Variants in PPP2R2A observed in about 807,000 individuals in gnomAD.
The protein encoded by PPP2R2A is serine/threonine-protein phosphatase 2A 55 kDa regulatory subunit B alpha isoform.
Under a neutral mutation model 53.2 loss-of-function variants are expected in PPP2R2A, and 9 were observed. That is an observed-to-expected ratio of 0.17 (90% CI 0.10 to 0.30). PPP2R2A has a LOEUF of 0.30. PPP2R2A is among the 10% of genes least tolerant of loss of function. The probability of loss-of-function intolerance (pLI) is 1.00; values close to 1 mark genes in which losing one functional copy is unlikely to be tolerated. For synonymous variants in PPP2R2A, 169 were observed against 174.2 expected (o/e 0.97, Z 0.23); for missense variants, 235 against 534.6 (o/e 0.44, Z 5.53).
At chr8:26,361,843 C>A (rs1455878583) in intron 6 of PPP2R2A, among the ~76,000 whole-genome samples, 1 of 151,714 alleles carries the variant, frequency 6.6e-6, no homozygotes, top group Non-Finnish European at 1.5e-5. Context: ...TGCCTGTAAT[C>A]TAAGCTACAT....
intron 2 of PPP2R2A, among the ~76,000 whole-genome samples, chr8:26,330,439 C>A (rs967857965): frequency 6.6e-5 from 10 of 151,772 alleles, no homozygotes; most frequent in Non-Finnish European, 1.5e-4. Context: ...GCAATCCTCC[C>A]ACCTCGGCCT....
chr8:26,346,672 A>G (rs1804234266), intron 3 of PPP2R2A, among the ~76,000 whole-genome samples: 2 of 152,316 alleles, frequency 1.3e-5, no homozygotes, highest in South Asian at 2.1e-4. Context: ...ATCTCTCTAT[A>G]GCCTTTCAGA....
chr8:26,302,642 C>T (rs1325025575), intron 2 of PPP2R2A, among the ~76,000 whole-genome samples: 1 of 152,186 alleles, frequency 6.6e-6, no homozygotes, highest in Non-Finnish European at 1.5e-5. Context: ...TAAAATATTC[C>T]TCCCTTTCTA....
At chr8:26,293,827 T>A in intron 2 of PPP2R2A, 87 bp downstream of exon 2, 1 of 1,194,386 alleles carries the variant, frequency 8.4e-7, no homozygotes, top group East Asian at 2.4e-5. Flanking sequence ...CCGAGACTGC[T>A]ATAAATTCAA....
In PPP2R2A at chr8:26,371,752, T is replaced by TC. The variant is rs1467067059; in HGVS notation, c.*1341dup. 1 of 152,220 alleles carries TC rather than the reference T, an allele frequency of 6.6e-6. No homozygotes were observed. The highest frequency in any genetic ancestry group is 1.5e-5 in the Non-Finnish European group (1 of 68,030). 9.4% of individuals were successfully genotyped at this position (152,220 alleles called of 1,614,324 possible). On this transcript the variant is annotated 3_prime_UTR_variant, in exon 10 of 10. Transcript: ENST00000380737. Reference sequence around the variant, plus strand: ...AGCGTTCAAAAAGTGCTTAATGAACTCCAACAGCTGCCTCAAATAAAAATC... The same window carrying TC: ...AGCGTTCAAAAAGTGCTTAATGAACTCCCAACAGCTGCCTCAAATAAAAATC...
At chr8:26,303,777 A>G (rs1170314558) in intron 2 of PPP2R2A, among the ~76,000 whole-genome samples, 1 of 152,222 alleles carries the variant, frequency 6.6e-6, no homozygotes, top group Non-Finnish European at 1.5e-5. Context: ...TAATTTTTAA[A>G]AATGAATATG....
chr8:26,365,724 C>A (rs999274878), intron 8 of PPP2R2A: 2 of 152,078 alleles, frequency 1.3e-5, no homozygotes, highest in African/African-American at 4.8e-5. Context: ...ATTCAAAAAA[C>A]AGGCACAGCT....
At chr8:26,308,467 A>G (rs1461268082) in intron 2 of PPP2R2A, among the ~76,000 whole-genome samples, 1 of 152,150 alleles carries the variant, frequency 6.6e-6, no homozygotes, top group East Asian at 1.9e-4. Context: ...TGTTTGTTTC[A>G]TTTCAACAAT....
At position 26,354,339 on chromosome 8, in the gene PPP2R2A, A is replaced by G; in HGVS notation, c.181-129A>G. The G allele has an allele frequency of 1.5e-6, 1 of 652,350 alleles. No homozygotes were observed. Among genetic ancestry groups the G allele is most frequent in the Non-Finnish European group, 2.3e-6 (1 of 441,814 alleles). 40.4% of individuals were successfully genotyped at this position (652,350 alleles called of 1,614,324 possible). ...AGGCCTTTAGAAATATAAAAAACAGAATGTAATTGTATAAAGACACAACTA... is the reference window on the plus strand; with the variant it reads ...AGGCCTTTAGAAATATAAAAAACAGGATGTAATTGTATAAAGACACAACTA... On this transcript the variant is annotated intron_variant, in intron 3 of 9. Transcript: ENST00000380737. The surrounding 1 kb of genome is among the most constrained non-coding windows in gnomAD (Gnocchi z 4.6).
intron 3 of PPP2R2A, among the ~76,000 whole-genome samples, chr8:26,342,052 T>C (rs1308996638): frequency 3.3e-5 from 5 of 152,222 alleles, no homozygotes; most frequent in Non-Finnish European, 7.3e-5. Flanking sequence ...TTGAGTATGT[T>C]TCAGACTGAT....
intron 2 of PPP2R2A, among the ~76,000 whole-genome samples, chr8:26,319,583 A>G (rs571000461): frequency 9.2e-5 from 14 of 152,150 alleles, no homozygotes; most frequent in African/African-American, 3.4e-4. Context: ...GTGGATATCC[A>G]GTTTTCCTAA....
chr8:26,361,433 TTTG>T (rs1805077671), intron 6 of PPP2R2A, among the ~76,000 whole-genome samples: 1 of 152,178 alleles, frequency 6.6e-6, no homozygotes, highest in Non-Finnish European at 1.5e-5. Flanking sequence ...AATTTAGGTT[TTTG>T]TTTTAAAAAT....
intron 2 of PPP2R2A, among the ~76,000 whole-genome samples, chr8:26,328,941 G>T (rs1803230139): frequency 6.6e-6 from 1 of 152,110 alleles, no homozygotes; most frequent in African/African-American, 2.4e-5. Flanking sequence ...TACATAATTT[G>T]CAGTTTGCAT....
chr8:26,340,376 T>C (rs1359207337), intron 3 of PPP2R2A, among the ~76,000 whole-genome samples: 1 of 152,046 alleles, frequency 6.6e-6, no homozygotes. Flanking sequence ...AACCAAAATG[T>C]GAAAGTTTTT....
chr8:26,327,162 A>G (rs1803132274), intron 2 of PPP2R2A, among the ~76,000 whole-genome samples: 1 of 152,162 alleles, frequency 6.6e-6, no homozygotes, highest in Non-Finnish European at 1.5e-5. Context: ...TGGGCAGACA[A>G]GAGCAGCTCC....
intron 2 of PPP2R2A, among the ~76,000 whole-genome samples, chr8:26,323,503 C>T (rs984316830): frequency 1.3e-5 from 2 of 152,182 alleles, no homozygotes; most frequent in African/African-American, 4.8e-5. Context: ...TTACCTGTGC[C>T]TCTGACCAAG....
chr8:26,329,721 C>T (rs1292113294), intron 2 of PPP2R2A, among the ~76,000 whole-genome samples: 3 of 152,102 alleles, frequency 2.0e-5, no homozygotes, highest in Non-Finnish European at 2.9e-5. Flanking sequence ...TTTTCTAAGC[C>T]TACAAACTGT....
At chr8:26,299,420 A>G (rs1801684405) in intron 2 of PPP2R2A, among the ~76,000 whole-genome samples, 1 of 152,202 alleles carries the variant, frequency 6.6e-6, no homozygotes, top group African/African-American at 2.4e-5. Context: ...TTCACAGGAA[A>G]TTATTTTAGG....
intron 2 of PPP2R2A, among the ~76,000 whole-genome samples, chr8:26,311,740 T>A (rs1166253514): frequency 6.6e-6 from 1 of 152,160 alleles, no homozygotes; most frequent in Non-Finnish European, 1.5e-5. Context: ...TTTTTCTCTC[T>A]TGTTTTCCCT....
Sources: gnomAD v4.1 joint callset for allele counts (sites outside exome capture counted in the v4.1 genomes callset) on GRCh38, gnomAD v4.1.1 for gene constraint, Gnocchi (gnomAD v3.1) non-coding constraint, MANE v1.5 for transcripts, NCBI Gene and HGNC (gene_info 2026-07-23, HGNC 2026-07-21) for gene names.